Variants in STK39 observed in about 807,000 individuals in gnomAD.
The protein encoded by STK39 is serine/threonine kinase 39.
In STK39, 20 loss-of-function variants were observed where a neutral mutation model predicts 77.8. The ratio of observed to expected loss-of-function variants is 0.26; its 90% CI spans 0.18 to 0.37. STK39 has a LOEUF of 0.37. STK39 is among the 10% of genes least tolerant of loss of function. The pLI is 1.00. For missense variants in STK39, 479 were observed against 656.5 expected, an observed-to-expected ratio of 0.73 and a Z score of 2.95; for synonymous variants, 246 against 234.1, an observed-to-expected ratio of 1.05 and a Z score of -0.47.
chr2:168,191,163 G>C (rs1277418277), intron 1 of STK39, among the ~76,000 whole-genome samples: 1 of 152,130 alleles, frequency 6.6e-6, no homozygotes, highest in Non-Finnish European at 1.5e-5. Context: ...CTATAGGCAC[G>C]TTGGCTTTGC....
intron 14 of STK39, among the ~76,000 whole-genome samples, chr2:168,040,088 G>A (rs1052892243): frequency 1.3e-5 from 2 of 152,072 alleles, no homozygotes; most frequent in East Asian, 1.9e-4. Flanking sequence ...TGTCAACACC[G>A]CACTCCGATC....
At chr2:168,009,021 C>T (rs951649187) in intron 16 of STK39, among the ~76,000 whole-genome samples, 2 of 152,108 alleles carry the variant, frequency 1.3e-5, no homozygotes, top group Non-Finnish European at 2.9e-5. Flanking sequence ...GTGTTTTCCC[C>T]AGGTACAGCT....
At position 167,964,673 on chromosome 2, in the gene STK39, T is replaced by A; in HGVS notation, c.1552A>T (p.Thr518Ser). 1 of 1,610,992 alleles carries A rather than the reference T, an allele frequency of 6.2e-7. No individual in the cohort carries two copies. Residue 518 changes from threonine (T) to serine (S), a missense_variant, in exon 17 of 18, where the codon ACA becomes TCA. Transcript: ENST00000355999. ...AACTTTCCACTTACCAACTTAAATG[T>A]CAATGTTTTTAAAGCTTTGGGATCA... ...VDDPKALKTL[T>S]FKLASGCDGS...
intron 1 of STK39, among the ~76,000 whole-genome samples, chr2:168,241,133 G>C (rs1009801655): frequency 6.6e-6 from 1 of 152,160 alleles, no homozygotes; most frequent in Admixed American, 6.5e-5. Flanking sequence ...AGAGTGTTTT[G>C]TTTTGTTCTC....
At chr2:168,201,586 T>C (rs1429558707) in intron 1 of STK39, among the ~76,000 whole-genome samples, 1 of 152,114 alleles carries the variant, frequency 6.6e-6, no homozygotes, top group African/African-American at 2.4e-5. Flanking sequence ...CATAATTCAA[T>C]GAAAGAAGAG....
intron 1 of STK39, among the ~76,000 whole-genome samples, chr2:168,188,773 A>T (rs916963985): frequency 1.9e-4 from 29 of 152,250 alleles, no homozygotes; most frequent in Non-Finnish European, 2.6e-4. Flanking sequence ...ATGTGGCAGG[A>T]ACATGTGCAC....
At chr2:168,034,429 C>T (rs763668458) in intron 14 of STK39, among the ~76,000 whole-genome samples, 1 of 152,180 alleles carries the variant, frequency 6.6e-6, no homozygotes, top group African/African-American at 2.4e-5. Context: ...ATATAGAAGA[C>T]TGAAACATGC....
intron 1 of STK39, among the ~76,000 whole-genome samples, chr2:168,210,137 C>T (rs1574558528): frequency 6.6e-6 from 1 of 152,046 alleles, no homozygotes; most frequent in Non-Finnish European, 1.5e-5. Flanking sequence ...GCAAAAATGG[C>T]ACACCAACTC....
intron 14 of STK39, among the ~76,000 whole-genome samples, chr2:168,052,493 G>T (rs1216144989): frequency 6.6e-6 from 1 of 152,222 alleles, no homozygotes; most frequent in Non-Finnish European, 1.5e-5. Flanking sequence ...TAGCAAAGGA[G>T]TATTTTCTGT....
chr2:168,061,226 T>A (rs1685655248), intron 14 of STK39, among the ~76,000 whole-genome samples: 1 of 147,838 alleles, frequency 6.8e-6, no homozygotes, highest in African/African-American at 2.5e-5. Flanking sequence ...TTAGGAGAAA[T>A]ATAGAGTGTG....
At chr2:168,196,012 C>A (rs1210098572) in intron 1 of STK39, among the ~76,000 whole-genome samples, 3 of 152,176 alleles carry the variant, frequency 2.0e-5, no homozygotes, top group Non-Finnish European at 4.4e-5. Context: ...AGCAAAACTC[C>A]ATTTCAAAAG....
chr2:168,052,648 T>C (rs925873136), intron 14 of STK39, among the ~76,000 whole-genome samples: 11 of 152,196 alleles, frequency 7.2e-5, no homozygotes, highest in Admixed American at 2.0e-4. Flanking sequence ...ATCTGTAACA[T>C]GCTAGCCATT....
intron 14 of STK39, among the ~76,000 whole-genome samples, chr2:168,029,687 C>T (rs893726063): frequency 7.9e-5 from 12 of 152,114 alleles, no homozygotes; most frequent in African/African-American, 2.4e-4. Context: ...CTACAAAGGG[C>T]GATTTCATGA....
chr2:167,988,228 T>C (rs1683608084), intron 16 of STK39, among the ~76,000 whole-genome samples: 1 of 152,044 alleles, frequency 6.6e-6, no homozygotes, highest in Non-Finnish European at 1.5e-5. Flanking sequence ...ATGCATGGAG[T>C]CCCCTCCCCT....
chr2:168,026,519 T>C (rs148262196), intron 14 of STK39, among the ~76,000 whole-genome samples: 12 of 152,342 alleles, frequency 7.9e-5, no homozygotes, highest in African/African-American at 2.9e-4. Flanking sequence ...GATCACCTAC[T>C]ATGTGTCAGG....
chr2:168,039,753 C>G (rs1303987571), intron 14 of STK39, among the ~76,000 whole-genome samples: 1 of 152,112 alleles, frequency 6.6e-6, no homozygotes, highest in South Asian at 2.1e-4. Flanking sequence ...GTGTACACAG[C>G]TGTCAAAATT....
chr2:168,058,326 GA>G (rs879531819), intron 14 of STK39, among the ~76,000 whole-genome samples: 3 of 151,920 alleles, frequency 2.0e-5, no homozygotes, highest in Non-Finnish European at 2.9e-5. Context: ...TGTTTTTTAG[GA>G]ACATCACTCT....
intron 10 of STK39, among the ~76,000 whole-genome samples, chr2:168,119,445 C>A (rs1247870025): frequency 6.6e-6 from 1 of 152,140 alleles, no homozygotes; most frequent in Non-Finnish European, 1.5e-5. Context: ...ATGTAAAATG[C>A]AAATGGTAGA....
chr2:167,969,276 C>T (rs150866466), intron 16 of STK39, among the ~76,000 whole-genome samples: 16 of 152,274 alleles, frequency 1.1e-4, no homozygotes, highest in African/African-American at 3.4e-4. Context: ...CCTCCGAGCC[C>T]TCTTTCTAAT....
Sources: gnomAD v4.1 joint callset for allele counts (sites outside exome capture counted in the v4.1 genomes callset) on GRCh38, gnomAD v4.1.1 for gene constraint, MANE v1.5 for transcripts, NCBI Gene and HGNC (gene_info 2026-07-23, HGNC 2026-07-21) for gene names.